The following DSCAML1 variants were observed in gnomAD, a reference collection of about 807,000 sequenced individuals.
DSCAML1 encodes the protein cell adhesion molecule DSCAML1.
In DSCAML1, 38 loss-of-function variants were observed where a neutral mutation model predicts 200.5. The ratio of observed to expected loss-of-function variants is 0.19; its 90% CI spans 0.15 to 0.25. DSCAML1 has a LOEUF of 0.25. Among genes scored for constraint, DSCAML1 ranks in the 10% least tolerant of loss-of-function variants. The pLI, the probability that DSCAML1 is intolerant of heterozygous loss-of-function variation, is 1.00. For missense variants in DSCAML1, 2,223 were observed against 2,858.8 expected (o/e 0.78, Z 5.07); for synonymous variants, 1,215 against 1,165.0 (o/e 1.04, Z -0.87).
chr11:117,438,212 G>A (rs1717448423), intron 24 of DSCAML1, 129 bp from the exon 25 acceptor site: 1 of 847,524 alleles, frequency 1.2e-6, no homozygotes, highest in Non-Finnish European at 1.8e-6. Flanking sequence ...TCATTGGAAC[G>A]GGCATATGCT....
intron 3 of DSCAML1, among the ~76,000 whole-genome samples, chr11:117,554,540 C>G (rs905087709): frequency 7.2e-5 from 11 of 152,078 alleles, no homozygotes; most frequent in Admixed American, 1.3e-4. Context: ...CCACACCTGG[C>G]TAATTTTTGT....
chr11:117,617,139 C>T (rs149784398), intron 3 of DSCAML1, among the ~76,000 whole-genome samples: 38 of 152,142 alleles, frequency 2.5e-4, no homozygotes, highest in Non-Finnish European at 4.6e-4. Context: ...AGATGGGGGC[C>T]CAGAGAGGTT....
intron 3 of DSCAML1, among the ~76,000 whole-genome samples, chr11:117,635,829 G>A (rs201207235): frequency 4.0e-4 from 61 of 152,108 alleles, no homozygotes; most frequent in African/African-American, 1.4e-3. Context: ...GGTGGGAAAC[G>A]CTGCTTTAGT....
chr11:117,458,647 C>T, intron 19 of DSCAML1, 107 bp downstream of exon 19: 4 of 1,403,718 alleles, frequency 2.8e-6, no homozygotes, highest in Non-Finnish European at 3.9e-6. Flanking sequence ...AGTTTGAAGG[C>T]CAGGAGAAAG....
chr11:117,620,467 C>T (rs1186852075), intron 3 of DSCAML1, among the ~76,000 whole-genome samples: 1 of 152,202 alleles, frequency 6.6e-6, no homozygotes, highest in Non-Finnish European at 1.5e-5. Context: ...CAACCAACTG[C>T]TCCACTTAAT....
chr11:117,625,331 A>G (rs1358566657), intron 3 of DSCAML1, among the ~76,000 whole-genome samples: 1 of 151,836 alleles, frequency 6.6e-6, no homozygotes, highest in Non-Finnish European at 1.5e-5. Context: ...TCTTTATTCC[A>G]CAATGAGAGA....
intron 3 of DSCAML1, among the ~76,000 whole-genome samples, chr11:117,612,782 A>T (rs1338790772): frequency 6.6e-6 from 1 of 152,136 alleles, no homozygotes; most frequent in East Asian, 1.9e-4. Context: ...GGTGCAGAGC[A>T]CCCTGCTCTG....
chr11:117,431,146 G>A (rs2047782958), intron 31 of DSCAML1, 113 bp from the exon 32 acceptor site: 1 of 1,078,174 alleles, frequency 9.3e-7, no homozygotes, highest in Non-Finnish European at 1.3e-6. Context: ...TGGCCATGGA[G>A]GGCACCAGGC....
intron 11 of DSCAML1, among the ~76,000 whole-genome samples, chr11:117,496,616 C>G (rs1245659121): frequency 2.0e-5 from 3 of 152,212 alleles, no homozygotes. Context: ...TACCTTGGAG[C>G]TCAGATCCAT....
chr11:117,634,674 C>G (rs1249253075), intron 3 of DSCAML1, among the ~76,000 whole-genome samples: 1 of 152,204 alleles, frequency 6.6e-6, no homozygotes, highest in Admixed American at 6.5e-5. Context: ...CTTGCAAATC[C>G]TCTTCCCTCC....
At chr11:117,606,730 T>C (rs144055933) in intron 3 of DSCAML1, among the ~76,000 whole-genome samples, 1,631 of 152,294 alleles carry the variant, frequency 0.011, 34 homozygotes, top group African/African-American at 0.037. Flanking sequence ...ATTTCAGGGA[T>C]CCCAATTACC....
intron 3 of DSCAML1, among the ~76,000 whole-genome samples, chr11:117,632,010 C>T (rs991845751): frequency 2.0e-5 from 3 of 152,164 alleles, no homozygotes; most frequent in South Asian, 2.1e-4. Context: ...TGGAAGGACA[C>T]GTACAGCTCA....
In DSCAML1 at chr11:117,516,643, A is replaced by G. The variant is rs1444408554; in HGVS notation, c.1607T>C (p.Ile536Thr). Reference protein sequence around the residue: ...CRVIGYPYYSIKWYKDALLLP... With the variant: ...CRVIGYPYYSTKWYKDALLLP... Reference sequence around the variant, plus strand: ...CAGCAGGGCATCCTTGTACCACTTGATGGAGTAGTAGGGATAGCCGATGAC... The same window carrying G: ...CAGCAGGGCATCCTTGTACCACTTGGTGGAGTAGTAGGGATAGCCGATGAC... Residue 536 changes from isoleucine to threonine, a missense_variant, in exon 8 of 33, where the codon ATC becomes ACC. Physicochemically the swap from Ile to Thr is moderately conservative, Grantham distance 89 (BLOSUM62 -1). This residue lies in a region of DSCAML1 where 212 missense variants were observed against 368.0 expected (regional missense o/e 0.58). Transcript: ENST00000651296. This position sits in a 1 kb window ranked among gnomAD's most constrained non-coding sequence, Gnocchi z 5.7. The G allele has an allele frequency of 6.2e-7, 1 of 1,613,980 alleles. No homozygotes were observed. The highest frequency in any genetic ancestry group is 1.7e-5 in the Admixed American group (1 of 60,000).
At chr11:117,545,234 A>AACAC (rs758060622) in intron 3 of DSCAML1, among the ~76,000 whole-genome samples, 138 of 143,478 alleles carry the variant, frequency 9.6e-4, no homozygotes, top group Non-Finnish European at 1.6e-3. Context: ...CGTAAAAAAA[A>AACAC]ACACACACAC....
At chr11:117,472,422 A>G (rs184485020) in intron 14 of DSCAML1, among the ~76,000 whole-genome samples, 300 of 152,204 alleles carry the variant, frequency 2.0e-3, no homozygotes, top group South Asian at 3.5e-3. Context: ...GAGACACCCC[A>G]TTTACCCAGT....
In DSCAML1 at chr11:117,498,024, G is replaced by A. The variant is rs1432323727; in HGVS notation, c.2359+5821C>T. 6.6e-6 allele frequency among the ~76,000 whole-genome samples: 1 copy of A among 152,230 alleles called. No homozygotes were observed. Among genetic ancestry groups the A allele is most frequent in the Admixed American group, 6.5e-5 (1 of 15,286 alleles). The stretch of plus-strand genomic sequence containing the variant: ...CCGGATGGGATTGGACCAGACCTGT[G>A]GACTAGAGGTCCGTCAGCCAGTCCA... On this transcript the variant is annotated intron_variant, in intron 11 of 32. Transcript: ENST00000651296. This position sits in a 1 kb window ranked among gnomAD's most constrained non-coding sequence, Gnocchi z 4.0.
chr11:117,485,275 G>A (rs79643503), intron 11 of DSCAML1, among the ~76,000 whole-genome samples: 2,523 of 152,322 alleles, frequency 0.017, 69 homozygotes, highest in African/African-American at 0.057. Context: ...GCCAGGGACA[G>A]CAGGGTCCCC....
At chr11:117,442,265 T>C (rs1020526045) in intron 21 of DSCAML1, among the ~76,000 whole-genome samples, 10 of 150,458 alleles carry the variant, frequency 6.6e-5, no homozygotes, top group African/African-American at 2.2e-4. Flanking sequence ...TGTGTGTGCA[T>C]GTATTAGTGT....
In DSCAML1 at chr11:117,505,524, G is replaced by A. The variant is rs965108225; in HGVS notation, c.1992C>T (p.Asn664=). The change falls in exon 9 of 33, where the codon AAC becomes AAT. Residue 664 remains asparagine, a synonymous_variant. Coordinates refer to ENST00000651296, the MANE Select transcript of DSCAML1 (RefSeq NM_020693.4). This position sits in a 1 kb window ranked among gnomAD's most constrained non-coding sequence, Gnocchi z 6.7. ...TGCTGGCGATGCATGTATAGTTGCC[G>A]TTGTGCTTGAGGGAGACGCTAGAGA... ...LQISSVSLKH[N]GNYTCIASNA... The A allele has an allele frequency of 1.5e-5, 24 of 1,613,334 alleles. No individual in the cohort carries two copies. Among genetic ancestry groups the A allele is most frequent in the Middle Eastern group, 1.6e-4 (1 of 6,084 alleles).
Sources: allele counts gnomAD v4.1 joint callset (sites outside exome capture counted in the v4.1 genomes callset), GRCh38; gene constraint gnomAD v4.1.1; regional missense constraint gnomAD v4.1.1; non-coding constraint Gnocchi (gnomAD v3.1); transcripts MANE v1.5; gene names NCBI Gene and HGNC (gene_info 2026-07-23, HGNC 2026-07-21).